The following F7 variants were observed in gnomAD, a reference collection of about 807,000 sequenced individuals.
F7 encodes the protein FVII coagulation protein.
In F7, 38 loss-of-function variants were observed where a neutral mutation model predicts 47.5. The observed-to-expected ratio is 0.80, with a 90% CI of 0.62 to 1.05. The LOEUF is 1.05. Among genes scored for constraint, F7 ranks in the 50% least tolerant of loss-of-function variants. The probability of loss-of-function intolerance (pLI) is 0.00; values close to 1 mark genes in which losing one functional copy is unlikely to be tolerated. For missense variants in F7, 575 were observed against 605.4 expected, an observed-to-expected ratio of 0.95 and a Z score of 0.53; for synonymous variants, 244 against 258.5, an observed-to-expected ratio of 0.94 and a Z score of 0.54.
chr13:113,118,392 A>AG, intron 7 of F7, 21 bp from the exon 8 acceptor site: 1 of 1,579,002 alleles, frequency 6.3e-7, no homozygotes, highest in East Asian at 2.3e-5. Flanking sequence ...AAAGGGCCTG[A>AG]GGGGGGCTTC....
chr13:113,120,382 T>C lies in F7; in HGVS notation c.*1374T>C, dbSNP rs1236955376. 1 of 152,414 alleles carries C rather than the reference T, an allele frequency of 6.6e-6. No individual in the cohort carries two copies. The highest frequency in any genetic ancestry group is 1.5e-5 in the Non-Finnish European group (1 of 68,158). 9.4% of individuals were successfully genotyped at this position (152,414 alleles called of 1,614,324 possible). On this transcript the variant is annotated 3_prime_UTR_variant, in exon 8 of 8. Coordinates refer to ENST00000346342, the MANE Select transcript of F7 (RefSeq NM_019616.4). ...AGTCCCCAGGGTGGTGGAAGAAGAA[T>C]GAGAAACACATGAACAGAGAAATGG...
Position 113,110,972 on chromosome 13 carries a change from G to C in F7, c.225+122G>C. The C allele has an allele frequency of 2.5e-6, 3 of 1,183,222 alleles. No individual in the cohort carries two copies. The South Asian group carries it at 5.2e-5, about 21-fold the overall frequency. The allele number at this position is 1,183,222 out of a possible 1,614,324, so 73.3% of individuals were successfully genotyped here. ...GGGCGGCGAACACGCAGCGGCGCCC[G>C]CGCGGCGCTTTCTGCGGGGGTCGCT... On this transcript the variant is annotated intron_variant, in intron 2 of 7. Transcript: ENST00000346342.
At position 113,118,415 on chromosome 13, in the gene F7, G is replaced by A. The variant is rs531916165; in HGVS notation, c.742G>A (p.Glu248Lys). 27 of 1,591,788 alleles carry A rather than the reference G, an allele frequency of 1.7e-5. No individual in the cohort carries two copies. The highest frequency in any genetic ancestry group is 1.0e-4 in the Admixed American group (6 of 59,574). Reference sequence around the variant, plus strand: ...TGAGGGGGGCTTCTTCCTTCCAGGCGAGCACGACCTCAGCGAGCACGACGG... The same window carrying A: ...TGAGGGGGGCTTCTTCCTTCCAGGCAAGCACGACCTCAGCGAGCACGACGG... Reference protein sequence around the residue: ...NWRNLIAVLGEHDLSEHDGDE... With the variant: ...NWRNLIAVLGKHDLSEHDGDE... The change falls in exon 8 of 8, where the codon GAG becomes AAG. Residue 248 changes from glutamate to lysine, a missense_variant and splice_region_variant. Glu to Lys is a moderately conservative substitution (Grantham distance 56). Coordinates refer to ENST00000346342, the MANE Select transcript of F7 (RefSeq NM_019616.4).
At position 113,118,966 on chromosome 13, in the gene F7, A is replaced by G; in HGVS notation, c.1293A>G (p.Ser431=). ...AGTGGCTGCAAAAGCTCATGCGCTC[A>G]GAGCCACGCCCAGGAGTCCTCCTGC... ...YIEWLQKLMR[S]EPRPGVLLRA... The change falls in exon 8 of 8, where the codon TCA becomes TCG. Residue 431 remains serine (S), a synonymous_variant. Transcript: ENST00000346342. 6.2e-7 allele frequency: 1 copy of G among 1,604,614 alleles called. No homozygotes were observed. The highest frequency in any genetic ancestry group is 1.1e-5 in the South Asian group (1 of 91,074).
At chr13:113,107,031 G>C (rs1469576698) in intron 1 of F7, 1 of 1,160,404 alleles carries the variant, frequency 8.6e-7, no homozygotes, top group Non-Finnish European at 1.3e-6. Context: ...CCCAAGGAGG[G>C]TGTTCCCTGC....
chr13:113,108,912 A>T (rs1341175371), intron 1 of F7, among the ~76,000 whole-genome samples: 1 of 17,248 alleles, frequency 5.8e-5, no homozygotes, highest in African/African-American at 2.3e-4. Flanking sequence ...TCCGGAGGCG[A>T]GGGTGTCCCG....
At chr13:113,116,942 CA>C (rs1382256965) in intron 6 of F7, 67 bp downstream of exon 6, 1 of 1,313,052 alleles carries the variant, frequency 7.6e-7, no homozygotes, top group Non-Finnish European at 1.1e-6. Context: ...ATGTGAACAA[CA>C]GCTCTGGAAG....
At position 113,119,111 on chromosome 13, in the gene F7, T is replaced by C. The variant is rs2036255269; in HGVS notation, c.*103T>C. The stretch of plus-strand genomic sequence containing the variant: ...GCAGTTAATGGGGTAGAGGAGGGCA[T>C]GGGAGGGAGGGAGAGGTGGGGAGGG... On this transcript the variant is annotated 3_prime_UTR_variant, in exon 8 of 8. Transcript: ENST00000346342. 9.6e-6 allele frequency: 7 copies of C among 728,258 alleles called. No individual in the cohort carries two copies. The Admixed American group carries it at 1.6e-4, about 16-fold the overall frequency. 45.1% of individuals were successfully genotyped at this position (728,258 alleles called of 1,614,324 possible).
At position 113,110,821 on chromosome 13, in the gene F7, C is replaced by T. The variant is rs776354144; in HGVS notation, c.196C>T (p.Arg66Trp). Reference protein sequence around the residue: ...KEEQCSFEEAREIFKDAERTK... With the variant: ...KEEQCSFEEAWEIFKDAERTK... ...GGAGCAGTGCTCCTTCGAGGAGGCC[C>T]GGGAGATCTTCAAGGACGCGGAGAG... is the stretch of plus-strand genomic sequence containing the variant. The change falls in exon 2 of 8, where the codon CGG becomes TGG. Residue 66 changes from arginine to tryptophan, a missense_variant. Coordinates refer to ENST00000346342, the MANE Select transcript of F7 (RefSeq NM_019616.4). 1.9e-6 allele frequency: 3 copies of T among 1,560,416 alleles called. No individual in the cohort carries two copies. Among genetic ancestry groups the T allele is most frequent in the African/African-American group, 1.4e-5 (1 of 73,768 alleles).
chr13:113,108,754 A>G (rs1279455341), intron 1 of F7, among the ~76,000 whole-genome samples: 14 of 46,988 alleles, frequency 3.0e-4, no homozygotes, highest in East Asian at 2.4e-3. Flanking sequence ...GGTGTTCCAG[A>G]GGCGAGGGTG....
At position 113,118,421 on chromosome 13, in the gene F7, G is replaced by A. The variant is rs751028917; in HGVS notation, c.748G>A (p.Asp250Asn). 50 of 1,594,454 alleles carry A rather than the reference G, an allele frequency of 3.1e-5. 1 individual carries two copies. The highest frequency in any genetic ancestry group is 3.0e-4 in the South Asian group (27 of 90,404). Residue 250 changes from aspartate (D) to asparagine (N), a missense_variant, in exon 8 of 8, where the codon GAC becomes AAC. Asp to Asn is a conservative substitution (Grantham distance 23). Coordinates refer to ENST00000346342, the MANE Select transcript of F7 (RefSeq NM_019616.4). ...RNLIAVLGEH[D>N]LSEHDGDEQS... ...GGGCTTCTTCCTTCCAGGCGAGCAC[G>A]ACCTCAGCGAGCACGACGGGGATGA...
Position 113,119,228 on chromosome 13 carries a change from A to G in F7, c.*220A>G. On this transcript the variant is annotated 3_prime_UTR_variant, in exon 8 of 8. Coordinates refer to ENST00000346342, the MANE Select transcript of F7 (RefSeq NM_019616.4). ...GAGAGAGACTCAAAGAGACTCCAAG[A>G]TTCAAAGAGACTAATAGAGACACAG... The G allele has an allele frequency of 1.7e-6, 1 of 592,572 alleles. No homozygotes were observed. The highest frequency in any genetic ancestry group is 3.0e-6 in the Non-Finnish European group (1 of 333,740). 36.7% of individuals were successfully genotyped at this position (592,572 alleles called of 1,614,324 possible). A position where few individuals can be genotyped will look rare whatever the true frequency, so the allele number is the denominator to read the frequency against.
At chr13:113,111,002 G>C (rs972129722) in intron 2 of F7, 152 bp downstream of exon 2, 26 of 876,288 alleles carry the variant, frequency 3.0e-5, no homozygotes, top group Non-Finnish European at 4.0e-5. Context: ...GTCGCTTTCC[G>C]CCCGGGGTGA....
At chr13:113,116,066 A>G (rs1272817325) in intron 5 of F7, among the ~76,000 whole-genome samples, 1 of 152,230 alleles carries the variant, frequency 6.6e-6, no homozygotes, top group African/African-American at 2.4e-5. Flanking sequence ...GCAAGGCACT[A>G]TCTCACGTCC....
intron 2 of F7, among the ~76,000 whole-genome samples, chr13:113,112,044 A>T (rs2036108758): frequency 7.0e-6 from 1 of 142,900 alleles, no homozygotes; most frequent in Non-Finnish European, 1.5e-5. Flanking sequence ...GACACCTCAC[A>T]CAAGATACCA....
Position 113,113,977 on chromosome 13 carries a change from G to A in F7, c.364+17G>A. 6.2e-7 allele frequency: 1 copy of A among 1,613,572 alleles called. No individual in the cohort carries two copies. Among genetic ancestry groups the A allele is most frequent in the Non-Finnish European group, 8.5e-7 (1 of 1,180,002 alleles). ...GTGAGACGCGTAAGGCCCCACTTTGGGTCCCATATTTGCAGAGGGCCCTGG... is the reference window on the plus strand; with the variant it reads ...GTGAGACGCGTAAGGCCCCACTTTGAGTCCCATATTTGCAGAGGGCCCTGG... On this transcript the variant is annotated intron_variant, in intron 4 of 7. Transcript: ENST00000346342. The surrounding 1 kb of genome is among the most constrained non-coding windows in gnomAD (Gnocchi z 4.1).
intron 2 of F7, 86 bp downstream of exon 2, chr13:113,110,936 G>A (rs746027586): frequency 1.4e-6 from 2 of 1,466,510 alleles, no homozygotes; most frequent in Non-Finnish European, 1.8e-6. Context: ...CGTCTCTTTG[G>A]CTGCGGCTGT....
At chr13:113,106,886 C>T in intron 1 of F7, 1 of 1,605,828 alleles carries the variant, frequency 6.2e-7, no homozygotes, top group Non-Finnish European at 8.5e-7. Flanking sequence ...ACGGGACATG[C>T]CGTGGAAGCC....
Position 113,119,313 on chromosome 13 carries a change from A to C in F7, c.*305A>C, listed in dbSNP as rs1253685327. On this transcript the variant is annotated 3_prime_UTR_variant, in exon 8 of 8. Transcript: ENST00000346342. ...CAGGCGCTGGACAGAGGGGCAGGGG[A>C]GTGCCAAGGTTGTCCTGGAGGCAGA... 2.4e-5 allele frequency: 10 copies of C among 418,978 alleles called. No homozygotes were observed. The highest frequency in any genetic ancestry group is 4.3e-5 in the Non-Finnish European group (10 of 231,408). The allele number at this position is 418,978 out of a possible 1,614,324, so 26.0% of individuals were successfully genotyped here.
Sources: allele counts gnomAD v4.1 joint callset (sites outside exome capture counted in the v4.1 genomes callset), GRCh38; gene constraint gnomAD v4.1.1; non-coding constraint Gnocchi (gnomAD v3.1); transcripts MANE v1.5; gene names NCBI Gene and HGNC (gene_info 2026-07-23, HGNC 2026-07-21).